Variants in LHFPL2 observed in about 807,000 individuals in gnomAD.
LHFPL2 encodes LHFPL tetraspan subfamily member 2, also known as LHFPL tetraspan subfamily member 2 protein.
A neutral mutation model predicts 17.5 loss-of-function variants in LHFPL2; 7 were observed. That is an observed-to-expected ratio of 0.40 (90% CI 0.23 to 0.75). The LOEUF (loss-of-function observed/expected upper bound fraction) is 0.75, where lower values mean the gene tolerates loss of function less well. Ranked by LOEUF, LHFPL2 falls within the 30% of genes least tolerant of loss-of-function variation. LHFPL2 has a pLI of 0.37. For synonymous variants in LHFPL2, 134 were observed against 116.2 expected (o/e 1.15, Z -0.99); for missense variants, 241 against 294.8 (o/e 0.82, Z 1.34).
chr5:78,592,078 T>C (rs1743645845), intron 2 of LHFPL2, among the ~76,000 whole-genome samples: 1 of 152,214 alleles, frequency 6.6e-6, no homozygotes, highest in Non-Finnish European at 1.5e-5. Context: ...CTTTTCCCAG[T>C]GCTCAAGAGC....
At chr5:78,612,066 G>C (rs534133676) in intron 2 of LHFPL2, among the ~76,000 whole-genome samples, 2 of 152,300 alleles carry the variant, frequency 1.3e-5, no homozygotes, top group Admixed American at 6.5e-5. Flanking sequence ...AAAGAGAATA[G>C]GAAGAGAGAA....
At chr5:78,605,852 A>G (rs187984393) in intron 2 of LHFPL2, among the ~76,000 whole-genome samples, 86 of 152,318 alleles carry the variant, frequency 5.6e-4, no homozygotes, top group African/African-American at 1.9e-3. Flanking sequence ...ATCATCTTAC[A>G]TTTACAATCT....
At chr5:78,642,938 C>T (rs1403003307) in intron 1 of LHFPL2, among the ~76,000 whole-genome samples, 1 of 152,172 alleles carries the variant, frequency 6.6e-6, no homozygotes, top group Non-Finnish European at 1.5e-5. Context: ...AGGATTTCTG[C>T]ACTCTGGTAC....
chr5:78,632,875 G>T (rs948872604), intron 1 of LHFPL2, among the ~76,000 whole-genome samples: 1 of 152,148 alleles, frequency 6.6e-6, no homozygotes, highest in Admixed American at 6.5e-5. Context: ...AGCAAGTGAG[G>T]GCTAAAATGA....
At chr5:78,566,822 C>G (rs1399931438) in intron 2 of LHFPL2, among the ~76,000 whole-genome samples, 1 of 152,178 alleles carries the variant, frequency 6.6e-6, no homozygotes, top group Non-Finnish European at 1.5e-5. Flanking sequence ...TAAACATTTC[C>G]CACAATTTTA....
At chr5:78,632,125 TCACAACAGC>T (rs1745275177) in intron 2 of LHFPL2, 130 bp downstream of exon 2, 1 of 152,084 alleles carries the variant, frequency 6.6e-6, no homozygotes, top group Non-Finnish European at 1.5e-5. Context: ...ATCAGGCCAC[TCACAACAGC>T]CACAGGGACC....
intron 3 of LHFPL2, among the ~76,000 whole-genome samples, chr5:78,554,151 C>A (rs766907787): frequency 1.3e-5 from 2 of 152,242 alleles, no homozygotes; most frequent in East Asian, 3.8e-4. Context: ...ACAGACTTGT[C>A]TATCAGTGTT....
intron 3 of LHFPL2, among the ~76,000 whole-genome samples, chr5:78,516,531 A>G (rs1389647141): frequency 7.2e-5 from 11 of 152,170 alleles, no homozygotes; most frequent in Non-Finnish European, 1.3e-4. Context: ...AAATGTCAGT[A>G]TCGTCAATGT....
At chr5:78,584,403 T>C (rs1277407845) in intron 2 of LHFPL2, among the ~76,000 whole-genome samples, 4 of 152,154 alleles carry the variant, frequency 2.6e-5, no homozygotes, top group Non-Finnish European at 5.9e-5. Context: ...TTTTTCCCCA[T>C]CTTTGTGGTT....
chr5:78,499,386 GGC>G (rs1157660832), intron 4 of LHFPL2, among the ~76,000 whole-genome samples: 3 of 152,166 alleles, frequency 2.0e-5, no homozygotes, highest in Non-Finnish European at 4.4e-5. Flanking sequence ...AATCCTATGA[GGC>G]TGATACTACT....
Position 78,509,783 on chromosome 5 carries a change from C to T in LHFPL2, c.430+1G>A. The T allele has an allele frequency of 6.2e-7, 1 of 1,606,952 alleles. No individual in the cohort carries two copies. The highest frequency in any genetic ancestry group is 8.5e-7 in the Non-Finnish European group (1 of 1,174,200). ...CCGTGCCCGGGGTCCTGCCTTCTTA[C>T]CTGCAATTCCTTGCAACAGCCCACA... On this transcript the variant is annotated splice_donor_variant, in intron 4 of 4. Transcript: ENST00000380345. LOFTEE classifies it high-confidence loss of function.
intron 1 of LHFPL2, chr5:78,644,148 T>A: frequency 1.9e-6 from 1 of 533,860 alleles, no homozygotes; most frequent in East Asian, 3.3e-5. Flanking sequence ...AAAGACAATG[T>A]ACAATTTCAA....
chr5:78,620,667 G>A (rs13187953), intron 2 of LHFPL2, among the ~76,000 whole-genome samples: 51,741 of 152,022 alleles, frequency 0.34, 9,556 homozygotes, highest in Non-Finnish European at 0.43. Flanking sequence ...GCAGAGGCCA[G>A]GGACACCGCT....
chr5:78,557,487 G>T (rs758124876), intron 3 of LHFPL2, among the ~76,000 whole-genome samples: 19 of 152,214 alleles, frequency 1.2e-4, no homozygotes, highest in Non-Finnish European at 2.4e-4. Context: ...AATCACAGAT[G>T]TAGTCTGAGA....
At chr5:78,613,429 G>A (rs1744484217) in intron 2 of LHFPL2, among the ~76,000 whole-genome samples, 1 of 152,178 alleles carries the variant, frequency 6.6e-6, no homozygotes, top group Non-Finnish European at 1.5e-5. Context: ...CCGACTAGTA[G>A]AGTGCATTAT....
chr5:78,581,434 T>C (rs1320975900), intron 2 of LHFPL2, among the ~76,000 whole-genome samples: 1 of 152,220 alleles, frequency 6.6e-6, no homozygotes, highest in Non-Finnish European at 1.5e-5. Context: ...GGGTTTGTCA[T>C]AGATAGCTCT....
chr5:78,538,229 C>T (rs990671209), intron 3 of LHFPL2, among the ~76,000 whole-genome samples: 1 of 152,250 alleles, frequency 6.6e-6, no homozygotes, highest in Non-Finnish European at 1.5e-5. Flanking sequence ...ACACTTGCTG[C>T]TCCTAGTCTG....
chr5:78,576,115 G>A (rs1360398660), intron 2 of LHFPL2, among the ~76,000 whole-genome samples: 1 of 152,130 alleles, frequency 6.6e-6, no homozygotes, highest in East Asian at 1.9e-4. Flanking sequence ...CTAACACGGT[G>A]AAACCCCGTC....
At chr5:78,594,378 C>T (rs1459637286) in intron 2 of LHFPL2, among the ~76,000 whole-genome samples, 3 of 152,216 alleles carry the variant, frequency 2.0e-5, no homozygotes, top group Non-Finnish European at 4.4e-5. Context: ...TAGCTATTCA[C>T]TGTATCTGTA....
Sources: gnomAD v4.1 joint callset for allele counts (sites outside exome capture counted in the v4.1 genomes callset) on GRCh38, gnomAD v4.1.1 for gene constraint, MANE v1.5 for transcripts, NCBI Gene and HGNC (gene_info 2026-07-23, HGNC 2026-07-21) for gene names.